SEPTIN11: variants seen among roughly 807,000 people sequenced by gnomAD.
SEPTIN11 encodes septin 11.
In SEPTIN11, 25 loss-of-function variants were observed where a neutral mutation model predicts 51.4. The ratio of observed to expected loss-of-function variants is 0.49; its 90% CI spans 0.35 to 0.68. SEPTIN11 has a LOEUF of 0.68. Ranked by LOEUF, SEPTIN11 falls within the 30% of genes least tolerant of loss-of-function variation. The pLI, the probability that SEPTIN11 is intolerant of heterozygous loss-of-function variation, is 0.00. For missense variants in SEPTIN11, 381 were observed against 520.8 expected, an observed-to-expected ratio of 0.73 and a Z score of 2.61; for synonymous variants, 174 against 184.1, an observed-to-expected ratio of 0.95 and a Z score of 0.44.
rs964761331 is a variant in SEPTIN11 at position 76,954,847 on chromosome 4, T to G, written c.27+4917T>G. The stretch of plus-strand genomic sequence containing the variant: ...TGAACTGTGACTGGGTAGGATGGAG[T>G]GTGAAACATTGAGAGAGGGGTAGGC... On this transcript the variant is annotated intron_variant, in intron 1 of 9. Transcript: ENST00000264893. Among the ~76,000 whole-genome samples, 39 of 152,216 alleles carry G rather than the reference T, an allele frequency of 2.6e-4. 1 individual carries two copies. The highest frequency in any genetic ancestry group is 9.4e-4 in the African/African-American group (39 of 41,542).
At chr4:77,006,681 A>G (rs1449541398) in intron 3 of SEPTIN11, among the ~76,000 whole-genome samples, 1 of 152,212 alleles carries the variant, frequency 6.6e-6, no homozygotes, top group Non-Finnish European at 1.5e-5. Flanking sequence ...ACAACAAATC[A>G]GTAAGTTAGG....
chr4:76,982,358 G>A (rs1278800886), intron 1 of SEPTIN11, among the ~76,000 whole-genome samples: 4 of 151,972 alleles, frequency 2.6e-5, no homozygotes, highest in African/African-American at 4.8e-5. Context: ...TTACAGGCGG[G>A]TGCCACCATG....
intron 7 of SEPTIN11, among the ~76,000 whole-genome samples, chr4:77,027,123 A>C (rs1372687383): frequency 6.6e-6 from 1 of 152,148 alleles, no homozygotes; most frequent in Non-Finnish European, 1.5e-5. Context: ...TTGAAGTATA[A>C]ACCAGCCTGA....
chr4:76,962,430 C>T (rs1721860928), intron 1 of SEPTIN11, among the ~76,000 whole-genome samples: 1 of 152,212 alleles, frequency 6.6e-6, no homozygotes, highest in Non-Finnish European at 1.5e-5. Flanking sequence ...GGGACTTGTA[C>T]TTAACAAAAC....
At position 77,036,937 on chromosome 4, in the gene SEPTIN11, C is replaced by T. The variant is rs1190443720; in HGVS notation, c.*2425C>T. ...ATTTTTTTTTTCTTTTCAAGGGGGG[C>T]AGGAAGGTAATGGTTTGAGTAGCCT... On this transcript the variant is annotated 3_prime_UTR_variant, in exon 10 of 10. Transcript: ENST00000264893. 1.5e-6 allele frequency: 2 copies of T among 1,316,854 alleles called. No individual in the cohort carries two copies. The highest frequency in any genetic ancestry group is 3.1e-5 in the African/African-American group (2 of 64,630). The allele number at this position is 1,316,854 out of a possible 1,614,324, so 81.6% of individuals were successfully genotyped here. A position where few individuals can be genotyped will look rare whatever the true frequency, so the allele number is the denominator to read the frequency against.
chr4:76,953,282 G>C (rs974503732), intron 1 of SEPTIN11, among the ~76,000 whole-genome samples: 1 of 152,156 alleles, frequency 6.6e-6, no homozygotes, highest in Non-Finnish European at 1.5e-5. Context: ...TTCTTACCAG[G>C]AGCTTTATTG....
chr4:77,019,210 A>C lies in SEPTIN11; in HGVS notation c.733A>C (p.Ile245Leu). The change falls in exon 6 of 10, where the codon ATT becomes CTT. Residue 245 changes from isoleucine to leucine, a missense_variant. By Grantham distance (5) the Ile-to-Leu change is conservative. This residue lies in a region of SEPTIN11 where 197 missense variants were observed against 313.1 expected (regional missense o/e 0.63). Transcript: ENST00000264893. ...GGTTGGCAGCACCGAAGAGGTGAAG[A>C]TTGGCAACAAGATGGCAAAGGCCAG... The part of the protein sequence containing the change: ...AVVGSTEEVK[I>L]GNKMAKARQY... The C allele has an allele frequency of 6.2e-7, 1 of 1,613,790 alleles. No individual in the cohort carries two copies. Among genetic ancestry groups the C allele is most frequent in the Non-Finnish European group, 8.5e-7 (1 of 1,179,908 alleles).
At chr4:76,965,382 C>T (rs1721992850) in intron 1 of SEPTIN11, among the ~76,000 whole-genome samples, 2 of 148,862 alleles carry the variant, frequency 1.3e-5, no homozygotes, top group African/African-American at 5.0e-5. Context: ...ACCTCGGAGG[C>T]AGAGGCTGCA....
chr4:77,016,611 T>C lies in SEPTIN11; in HGVS notation c.687+1594T>C, dbSNP rs189450958. Among the ~76,000 whole-genome samples, 726 of 82,792 alleles carry C rather than the reference T, an allele frequency of 8.8e-3. 14 individuals are homozygous for C. Among genetic ancestry groups the C allele is most frequent in the African/African-American group, 0.018 (324 of 18,200 alleles). 54.3% of individuals were successfully genotyped at this position (82,792 alleles called of 152,430 possible). A position where few individuals can be genotyped will look rare whatever the true frequency, so the allele number is the denominator to read the frequency against. On this transcript the variant is annotated intron_variant, in intron 5 of 9. Transcript: ENST00000264893. ...ATATATACACACACATATATATATA[T>C]ACACATATATATATATATACACATA... is the stretch of plus-strand genomic sequence containing the variant.
intron 1 of SEPTIN11, among the ~76,000 whole-genome samples, chr4:76,965,375 T>G (rs1169391580): frequency 1.3e-5 from 2 of 150,232 alleles, no homozygotes; most frequent in Non-Finnish European, 2.9e-5. Flanking sequence ...CACTTGAACC[T>G]CGGAGGCAGA....
intron 5 of SEPTIN11, among the ~76,000 whole-genome samples, chr4:77,016,449 A>G (rs1725233070): frequency 6.7e-6 from 1 of 149,176 alleles, no homozygotes. Flanking sequence ...TGGAAAAAAA[A>G]AATGCAACAA....
chr4:77,020,802 G>A (rs1725665704), intron 7 of SEPTIN11, 132 bp downstream of exon 7: 2 of 786,994 alleles, frequency 2.5e-6, no homozygotes, highest in Admixed American at 3.1e-5. Context: ...TAATACATAT[G>A]TTGTCAGGCA....
chr4:77,038,395 CAT>C lies in SEPTIN11; in HGVS notation c.*3888_*3889del. ...ACTTTCATTGTTAATGCAGAATTGT[CAT>C]ATATGTAAGCTGCATGTTAGACATT... On this transcript the variant is annotated 3_prime_UTR_variant, in exon 10 of 10. Transcript: ENST00000264893. 1.0e-6 allele frequency: 1 copy of C among 985,680 alleles called. No homozygotes were observed. Among genetic ancestry groups the C allele is most frequent in the Non-Finnish European group, 1.2e-6 (1 of 829,810 alleles). The allele number at this position is 985,680 out of a possible 1,614,324, so 61.1% of individuals were successfully genotyped here.
At chr4:77,039,514 CTCCTG>C, downstream of SEPTIN11, 1 of 985,352 alleles carries the variant, frequency 1.0e-6, no homozygotes, top group Non-Finnish European at 1.2e-6. Flanking sequence ...CTCATGGTAA[CTCCTG>C]TCCTTTCTGT....
intron 1 of SEPTIN11, among the ~76,000 whole-genome samples, chr4:76,971,413 CT>C (rs1261212373): frequency 6.6e-6 from 1 of 151,440 alleles, no homozygotes; most frequent in African/African-American, 2.4e-5. Flanking sequence ...TTCCATGCTG[CT>C]TTTTTTTATA....
In SEPTIN11 at chr4:77,037,086, G is replaced by T. The variant is rs752627630; in HGVS notation, c.*2574G>T. ...ATCCGAAATTACTAATCCAGGCCAG[G>T]TGTGGTGGCTCATGCCTGTAATCCC... is the stretch of plus-strand genomic sequence containing the variant. On this transcript the variant is annotated 3_prime_UTR_variant, in exon 10 of 10. Coordinates refer to ENST00000264893, the MANE Select transcript of SEPTIN11 (RefSeq NM_018243.4). The T allele has an allele frequency of 6.4e-6, 7 of 1,097,390 alleles. No individual in the cohort carries two copies. The highest frequency in any genetic ancestry group is 6.6e-6 in the Non-Finnish European group (6 of 903,536). 68.0% of individuals were successfully genotyped at this position (1,097,390 alleles called of 1,614,324 possible). A position where few individuals can be genotyped will look rare whatever the true frequency, so the allele number is the denominator to read the frequency against.
intron 8 of SEPTIN11, among the ~76,000 whole-genome samples, 185 bp from the exon 9 acceptor site, chr4:77,030,598 T>C (rs1007460882): frequency 1.3e-5 from 2 of 152,148 alleles, no homozygotes; most frequent in East Asian, 3.9e-4. Flanking sequence ...GGTTTCACCA[T>C]CTTGGCCAGG....
In SEPTIN11 at chr4:77,024,948, A is replaced by T. The variant is rs1032088819; in HGVS notation, c.954-3681A>T. On this transcript the variant is annotated intron_variant, in intron 7 of 9. Transcript: ENST00000264893. This position sits in a 1 kb window ranked among gnomAD's most constrained non-coding sequence, Gnocchi z 4.2. ...TCCACAAAAGCTGGTGGAGATGATC[A>T]TACTCTGGCCTGCCCTCCACTAGAT... Among the ~76,000 whole-genome samples, 5 of 152,190 alleles carry T rather than the reference A, an allele frequency of 3.3e-5. No homozygotes were observed. Among genetic ancestry groups the T allele is most frequent in the Admixed American group, 2.6e-4 (4 of 15,284 alleles).
At chr4:76,983,163 G>C (rs151310697) in intron 1 of SEPTIN11, among the ~76,000 whole-genome samples, 11 of 152,090 alleles carry the variant, frequency 7.2e-5, no homozygotes, top group Non-Finnish European at 1.2e-4. Flanking sequence ...CACAGCTGTC[G>C]TTTAGAAATG....
Sources: gnomAD v4.1 joint callset for allele counts (sites outside exome capture counted in the v4.1 genomes callset) on GRCh38, gnomAD v4.1.1 for gene constraint, gnomAD v4.1.1 regional missense constraint, Gnocchi (gnomAD v3.1) non-coding constraint, MANE v1.5 for transcripts, NCBI Gene and HGNC (gene_info 2026-07-23, HGNC 2026-07-21) for gene names.